HPCAL1: variants seen among roughly 807,000 people sequenced by gnomAD.
HPCAL1 encodes hippocalcin-like protein 1.
HPCAL1 carries 8 observed loss-of-function variants against 17.1 expected under a neutral mutation model. The ratio of observed to expected loss-of-function variants is 0.47; its 90% CI spans 0.27 to 0.84. The LOEUF is 0.84. HPCAL1 is among the 40% of genes least tolerant of loss of function. The probability of loss-of-function intolerance (pLI) is 0.13; values close to 1 mark genes in which losing one functional copy is unlikely to be tolerated. For missense variants in HPCAL1, 165 were observed against 271.1 expected, an observed-to-expected ratio of 0.61 and a Z score of 2.75; for synonymous variants, 112 against 111.4, an observed-to-expected ratio of 1.01 and a Z score of -0.03.
At chr2:10,420,994 C>G (rs1671029484) in intron 3 of HPCAL1, among the ~76,000 whole-genome samples, 1 of 152,060 alleles carries the variant, frequency 6.6e-6, no homozygotes, top group Non-Finnish European at 1.5e-5. Flanking sequence ...CTCCTCACCT[C>G]AGTTGATCTG....
rs113132017 is a variant in HPCAL1 at position 10,422,964 on chromosome 2, T to A, written c.379-19T>A. 5.0e-3 allele frequency: 7,905 copies of A among 1,581,690 alleles called. 320 individuals carry two copies. In the African/African-American group the frequency reaches 0.088, roughly 18 times the overall value. On this transcript the variant is annotated intron_variant, in intron 3 of 4. Transcript: ENST00000307845. ...AGCCCCCGGGCCTCTGAGCACAGTG[T>A]CATTGCCCCCATCCGCAGGCCATCT...
intron 1 of HPCAL1, among the ~76,000 whole-genome samples, chr2:10,348,189 C>CCA (rs1665587126): frequency 6.6e-6 from 1 of 152,148 alleles, no homozygotes; most frequent in Non-Finnish European, 1.5e-5. Context: ...GTGGCTCATG[C>CCA]CTGTAATCCC....
Position 10,367,264 on chromosome 2 carries a change from T to C in HPCAL1, c.-110-29571T>C, listed in dbSNP as rs1029831949. On this transcript the variant is annotated intron_variant, in intron 1 of 4. Transcript: ENST00000307845. This position sits in a 1 kb window ranked among gnomAD's most constrained non-coding sequence, Gnocchi z 4.4. ...AGATGACGGGCGGATGGTAGTGTTGTTTTAAGGGGGGATTTTGTTGCTGTC... is the reference window on the plus strand; with the variant it reads ...AGATGACGGGCGGATGGTAGTGTTGCTTTAAGGGGGGATTTTGTTGCTGTC... Among the ~76,000 whole-genome samples the C allele has an allele frequency of 5.9e-5, 9 of 151,878 alleles. No homozygotes were observed. The highest frequency in any genetic ancestry group is 2.2e-4 in the African/African-American group (9 of 41,328).
rs1668956272 is a variant in HPCAL1 at position 10,395,419 on chromosome 2, T to A, written c.-110-1416T>A. Among the ~76,000 whole-genome samples, 1 of 149,622 alleles carries A rather than the reference T, an allele frequency of 6.7e-6. No homozygotes were observed. Among genetic ancestry groups the A allele is most frequent in the Non-Finnish European group, 1.5e-5 (1 of 67,784 alleles). ...TGTCCAGGCTCTGGACGCATAGACG[T>A]GAAACGGACGATTTCCTGACCTTGT... On this transcript the variant is annotated intron_variant, in intron 1 of 4. Coordinates refer to ENST00000307845, the MANE Select transcript of HPCAL1 (RefSeq NM_002149.4). This position sits in a 1 kb window ranked among gnomAD's most constrained non-coding sequence, Gnocchi z 4.4.
At chr2:10,355,450 C>CAAA (rs34600690) in intron 1 of HPCAL1, among the ~76,000 whole-genome samples, 1,112 of 32,268 alleles carry the variant, frequency 0.034, 122 homozygotes, top group African/African-American at 0.067. Flanking sequence ...GACTCCGTCT[C>CAAA]AAAAAAAAAA....
At chr2:10,317,614 CACCAGGTTGGCTAGGCT>C (rs1271631625) in intron 1 of HPCAL1, among the ~76,000 whole-genome samples, 1 of 152,162 alleles carries the variant, frequency 6.6e-6, no homozygotes, top group African/African-American at 2.4e-5. Flanking sequence ...GACGGGGTTT[CACCAGGTTGGCTAGGCT>C]AGTCTCAAAC....
At chr2:10,361,663 A>G (rs1666534150) in intron 1 of HPCAL1, among the ~76,000 whole-genome samples, 1 of 152,168 alleles carries the variant, frequency 6.6e-6, no homozygotes, top group Non-Finnish European at 1.5e-5. Context: ...TAACGTTTCC[A>G]TAGTTCTCGA....
rs929771235 is a variant in HPCAL1 at position 10,330,275 on chromosome 2, C to CT, written c.-111+27103dup. ...ACATGGACAAAAGGAGAATTCCTGA[C>CT]TTTTTGGTGGATGTTTGCAATTCCC... On this transcript the variant is annotated intron_variant, in intron 1 of 4. Coordinates refer to ENST00000307845, the MANE Select transcript of HPCAL1 (RefSeq NM_002149.4). The surrounding 1 kb of genome is among the most constrained non-coding windows in gnomAD (Gnocchi z 4.2). The CT allele has an allele frequency of 6.6e-6, 1 of 152,114 alleles. No homozygotes were observed. The highest frequency in any genetic ancestry group is 2.4e-5 in the African/African-American group (1 of 41,406). The allele number at this position is 152,114 out of a possible 1,614,324, so 9.4% of individuals were successfully genotyped here. A position where few individuals can be genotyped will look rare whatever the true frequency, so the allele number is the denominator to read the frequency against.
intron 1 of HPCAL1, among the ~76,000 whole-genome samples, chr2:10,360,417 C>CT (rs112033400): frequency 0.17 from 25,791 of 147,762 alleles, 2,896 homozygotes; most frequent in East Asian, 0.55. Flanking sequence ...TTAACTGAAT[C>CT]TTTTTTTTTT....
intron 4 of HPCAL1, chr2:10,426,288 G>A (rs3755256): frequency 0.19 from 30,353 of 161,678 alleles, 3,533 homozygotes; most frequent in Non-Finnish European, 0.26. Flanking sequence ...CCTGAGCAGC[G>A]GGTCTACGCT....
At chr2:10,374,440 C>G (rs1449257175) in intron 1 of HPCAL1, among the ~76,000 whole-genome samples, 1 of 152,168 alleles carries the variant, frequency 6.6e-6, no homozygotes, top group Admixed American at 6.5e-5. Flanking sequence ...CATTCTTGTT[C>G]TTGCTGTGGT....
At chr2:10,314,086 T>C (rs1663150043) in intron 1 of HPCAL1, among the ~76,000 whole-genome samples, 1 of 149,064 alleles carries the variant, frequency 6.7e-6, no homozygotes, top group African/African-American at 2.5e-5. Context: ...AGCTGAGAGA[T>C]CTGAGCCACT....
intron 1 of HPCAL1, among the ~76,000 whole-genome samples, chr2:10,383,150 A>C (rs1478046721): frequency 6.6e-6 from 1 of 152,198 alleles, no homozygotes; most frequent in Non-Finnish European, 1.5e-5. Flanking sequence ...AGGCAGGAGG[A>C]CTGCTTGAGC....
At chr2:10,373,183 A>T (rs1667333740) in intron 1 of HPCAL1, among the ~76,000 whole-genome samples, 1 of 152,238 alleles carries the variant, frequency 6.6e-6, no homozygotes, top group Non-Finnish European at 1.5e-5. Flanking sequence ...AGGGCCAAGA[A>T]GAGGGAGAGG....
chr2:10,348,270 G>A (rs983155426), intron 1 of HPCAL1, among the ~76,000 whole-genome samples: 10 of 152,030 alleles, frequency 6.6e-5, no homozygotes, highest in African/African-American at 2.4e-4. Flanking sequence ...CCAACATGGT[G>A]AAACCTCATC....
intron 1 of HPCAL1, among the ~76,000 whole-genome samples, chr2:10,329,317 C>G (rs1274362677): frequency 6.6e-6 from 1 of 152,184 alleles, no homozygotes; most frequent in African/African-American, 2.4e-5. Flanking sequence ...GATTGAGGAC[C>G]TTGAGGTGGG....
chr2:10,335,110 G>A (rs1002121875), intron 1 of HPCAL1, among the ~76,000 whole-genome samples: 9 of 152,278 alleles, frequency 5.9e-5, no homozygotes, highest in East Asian at 3.9e-4. Flanking sequence ...CTAAGATGCC[G>A]CCACTGGTCC....
intron 1 of HPCAL1, among the ~76,000 whole-genome samples, chr2:10,349,530 T>C (rs536165579): frequency 4.0e-5 from 6 of 151,354 alleles, no homozygotes; most frequent in Non-Finnish European, 7.4e-5. Context: ...GGTGAAACCC[T>C]GTCTCTACTA....
At chr2:10,336,829 C>T (rs775039240) in intron 1 of HPCAL1, among the ~76,000 whole-genome samples, 19 of 152,176 alleles carry the variant, frequency 1.2e-4, no homozygotes, top group African/African-American at 3.4e-4. Flanking sequence ...ACTGCAGCCC[C>T]GGAATCATGG....
Sources: allele counts gnomAD v4.1 joint callset (sites outside exome capture counted in the v4.1 genomes callset), GRCh38; gene constraint gnomAD v4.1.1; non-coding constraint Gnocchi (gnomAD v3.1); transcripts MANE v1.5; gene names NCBI Gene and HGNC (gene_info 2026-07-23, HGNC 2026-07-21).